Variants in IGHMBP2 observed in about 807,000 individuals in gnomAD.
IGHMBP2 encodes DNA-binding protein SMUBP-2.
A neutral mutation model predicts 96.0 loss-of-function variants in IGHMBP2; 81 were observed. That is an observed-to-expected ratio of 0.84 (90% CI 0.71 to 1.01). The LOEUF is 1.01. Ranked by LOEUF, IGHMBP2 falls within the 50% of genes least tolerant of loss-of-function variation. IGHMBP2 has a pLI of 0.00. For synonymous variants in IGHMBP2, 557 were observed against 548.9 expected, an observed-to-expected ratio of 1.01 and a Z score of -0.21; for missense variants, 1,227 against 1,306.3, an observed-to-expected ratio of 0.94 and a Z score of 0.94.
chr11:68,927,052 T>C (rs967935872), intron 7 of IGHMBP2, among the ~76,000 whole-genome samples: 2 of 152,226 alleles, frequency 1.3e-5, no homozygotes, highest in Non-Finnish European at 2.9e-5. Context: ...CGTAAGCCAC[T>C]GCTCCTGGCC....
At chr11:68,939,371 C>T (rs944150012) in intron 14 of IGHMBP2, among the ~76,000 whole-genome samples, 163 bp from the exon 15 acceptor site, 3 of 152,212 alleles carry the variant, frequency 2.0e-5, no homozygotes, top group Admixed American at 6.5e-5. Flanking sequence ...ACCACCCCGC[C>T]GCTCTCCCGC....
rs1406579925 is a variant in IGHMBP2 at position 68,909,195 on chromosome 11, G to T, written c.547+564G>T. 6.2e-4 allele frequency among the ~76,000 whole-genome samples: 70 copies of T among 113,750 alleles called. 1 individual carries two copies. Among genetic ancestry groups the T allele is most frequent in the Middle Eastern group, 8.5e-3 (1 of 118 alleles). 74.6% of individuals were successfully genotyped at this position (113,750 alleles called of 152,430 possible). ...TTTTGGCGGGGGGGGTGGAGGGGGG[G>T]GGCGGATGGAGTCTCGCTCTGTCAC... On this transcript the variant is annotated intron_variant, in intron 4 of 14. Transcript: ENST00000255078.
intron 8 of IGHMBP2, chr11:68,929,656 C>T: frequency 2.5e-6 from 2 of 804,102 alleles, no homozygotes; most frequent in Non-Finnish European, 3.0e-6. Context: ...CCTCATGAAC[C>T]AGGCAGGTTT....
intron 7 of IGHMBP2, among the ~76,000 whole-genome samples, chr11:68,926,697 G>A (rs750477509): frequency 1.3e-5 from 2 of 151,972 alleles, no homozygotes; most frequent in Admixed American, 1.3e-4. Context: ...ACTTAGAATC[G>A]CTGATATTTC....
At position 68,917,983 on chromosome 11, in the gene IGHMBP2, T is replaced by C. The variant is rs1041449120; in HGVS notation, c.1060+100T>C. On this transcript the variant is annotated intron_variant, in intron 7 of 14. Coordinates refer to ENST00000255078, the MANE Select transcript of IGHMBP2 (RefSeq NM_002180.3). Reference sequence around the variant, plus strand: ...GAAGAGTTTGTTTAGAATTGGTATTTCTTTCTTAAAAGTTGGGTAGGGTTC... The same window carrying C: ...GAAGAGTTTGTTTAGAATTGGTATTCCTTTCTTAAAAGTTGGGTAGGGTTC... 2.2e-6 allele frequency: 3 copies of C among 1,372,830 alleles called. No homozygotes were observed. The African/African-American group carries it at 4.3e-5, about 20-fold the overall frequency. 85.0% of individuals were successfully genotyped at this position (1,372,830 alleles called of 1,614,324 possible). A position where few individuals can be genotyped will look rare whatever the true frequency, so the allele number is the denominator to read the frequency against.
chr11:68,914,758 T>C, intron 5 of IGHMBP2, 65 bp from the exon 6 acceptor site: 2 of 1,542,746 alleles, frequency 1.3e-6, no homozygotes, highest in Non-Finnish European at 1.8e-6. Flanking sequence ...TTTTTGTTGT[T>C]TTAGTGTCAA....
At position 68,915,261 on chromosome 11, in the gene IGHMBP2, C is replaced by T. The variant is rs542546028; in HGVS notation, c.912+238C>T. Among the ~76,000 whole-genome samples, 22 of 139,506 alleles carry T rather than the reference C, an allele frequency of 1.6e-4. No individual in the cohort carries two copies. The South Asian group carries it at 3.8e-3, about 24-fold the overall frequency. 91.5% of individuals were successfully genotyped at this position (139,506 alleles called of 152,430 possible). A position where few individuals can be genotyped will look rare whatever the true frequency, so the allele number is the denominator to read the frequency against. ...GTGGTGCAATCTCGGCTCACTGCAA[C>T]CTCTGCCTCCTGGGTTCAAGCGATT... On this transcript the variant is annotated intron_variant, in intron 6 of 14. Coordinates refer to ENST00000255078, the MANE Select transcript of IGHMBP2 (RefSeq NM_002180.3).
At chr11:68,908,358 A>G (rs1293741701) in intron 3 of IGHMBP2, 21 bp downstream of exon 3, 1 of 1,606,830 alleles carries the variant, frequency 6.2e-7, no homozygotes, top group African/African-American at 1.3e-5. Flanking sequence ...GGGACTGGAA[A>G]TCCTAAGTAC....
rs1477240148 is a variant in IGHMBP2 at position 68,939,769 on chromosome 11, A to G, written c.*38A>G. The G allele has an allele frequency of 3.8e-6, 6 of 1,566,112 alleles. No homozygotes were observed. In the African/African-American group the frequency reaches 4.0e-5, roughly 11 times the overall value. ...TTGCACGCCCCGCGGAGCTCTCTCC[A>G]TGGTAGCCCAGGGCGCTGGCAGACC... On this transcript the variant is annotated 3_prime_UTR_variant, in exon 15 of 15. Coordinates refer to ENST00000255078, the MANE Select transcript of IGHMBP2 (RefSeq NM_002180.3).
intron 6 of IGHMBP2, among the ~76,000 whole-genome samples, chr11:68,915,337 G>A (rs1361191330): frequency 6.6e-6 from 1 of 151,492 alleles, no homozygotes; most frequent in South Asian, 2.1e-4. Context: ...GTGTCACCAC[G>A]CCTGGCTAAT....
chr11:68,936,609 C>G lies in IGHMBP2; in HGVS notation c.2129C>G (p.Pro710Arg). 2 of 1,613,516 alleles carry G rather than the reference C, an allele frequency of 1.2e-6. No individual in the cohort carries two copies. Among genetic ancestry groups the G allele is most frequent in the Non-Finnish European group, 1.7e-6 (2 of 1,179,776 alleles). ...CTGGCCTCTGAAGCTCCATCTCAGC[C>G]CAGCCTCAACGGAGGCAGCCCAGAG... ...KSLASEAPSQ[P>R]SLNGGSPEGV... The change falls in exon 13 of 15, where the codon CCC becomes CGC. Residue 710 changes from proline (P) to arginine (R), a missense_variant. Coordinates refer to ENST00000255078, the MANE Select transcript of IGHMBP2 (RefSeq NM_002180.3).
At chr11:68,908,948 C>A (rs1192283830) in intron 4 of IGHMBP2, among the ~76,000 whole-genome samples, 1 of 149,816 alleles carries the variant, frequency 6.7e-6, no homozygotes, top group African/African-American at 2.5e-5. Context: ...TCAAGTGATT[C>A]TTTTGCCTCA....
intron 4 of IGHMBP2, among the ~76,000 whole-genome samples, chr11:68,909,748 C>G (rs1858358317): frequency 6.6e-6 from 1 of 151,938 alleles, no homozygotes; most frequent in South Asian, 2.1e-4. Context: ...CTGCCTCAGC[C>G]TCCCAAGTAG....
Position 68,914,810 on chromosome 11 carries a change from T to C in IGHMBP2, c.712-13T>C. On this transcript the variant is annotated splice_polypyrimidine_tract_variant and intron_variant, in intron 5 of 14. Transcript: ENST00000255078. Reference sequence around the variant, plus strand: ...ACAAAGTAAATGACCAGATCCTAACTTGCGGTTCCCAGGTTCTGTGCTGCG... The same window carrying C: ...ACAAAGTAAATGACCAGATCCTAACCTGCGGTTCCCAGGTTCTGTGCTGCG... 6.2e-7 allele frequency: 1 copy of C among 1,614,078 alleles called. No homozygotes were observed.
chr11:68,915,875 T>C (rs1465129430), intron 6 of IGHMBP2, among the ~76,000 whole-genome samples: 1 of 151,794 alleles, frequency 6.6e-6, no homozygotes, highest in Non-Finnish European at 1.5e-5. Context: ...TGAGGAATTG[T>C]AAAGAAAACA....
intron 8 of IGHMBP2, chr11:68,932,988 G>C: frequency 2.2e-6 from 1 of 463,526 alleles, no homozygotes; most frequent in Non-Finnish European, 4.0e-6. Context: ...ACCCTCGCAT[G>C]CCCCCTTATA....
chr11:68,927,328 A>G (rs1357176851), intron 7 of IGHMBP2, among the ~76,000 whole-genome samples: 1 of 152,182 alleles, frequency 6.6e-6, no homozygotes, highest in East Asian at 1.9e-4. Context: ...GTGGCCAGCT[A>G]GTGATTAGAC....
chr11:68,913,043 CAA>C (rs71043469), intron 5 of IGHMBP2, among the ~76,000 whole-genome samples: 75 of 37,484 alleles, frequency 2.0e-3, no homozygotes, highest in African/African-American at 8.1e-3. Flanking sequence ...ACTCCATCTC[CAA>C]AAAAAAAAAA....
intron 4 of IGHMBP2, among the ~76,000 whole-genome samples, chr11:68,908,848 T>TTC (rs1858307011): frequency 6.6e-6 from 1 of 151,326 alleles, no homozygotes; most frequent in Non-Finnish European, 1.5e-5. Flanking sequence ...TGAGGTTTTT[T>TTC]TTTTTTTTTT....
Sources: gnomAD v4.1 joint callset for allele counts (sites outside exome capture counted in the v4.1 genomes callset) on GRCh38, gnomAD v4.1.1 for gene constraint, MANE v1.5 for transcripts, NCBI Gene and HGNC (gene_info 2026-07-23, HGNC 2026-07-21) for gene names.